Variants in KIF26B observed in about 807,000 individuals in gnomAD.
KIF26B encodes kinesin-like protein KIF26B.
Under a neutral mutation model 151.2 loss-of-function variants are expected in KIF26B, and 63 were observed. The ratio of observed to expected loss-of-function variants is 0.42; its 90% confidence interval spans 0.34 to 0.51. The LOEUF (loss-of-function observed/expected upper bound fraction) is 0.51, where lower values mean the gene tolerates loss of function less well. Ranked by LOEUF, KIF26B falls within the 20% of genes least tolerant of loss-of-function variation. The pLI is 0.07. For synonymous variants in KIF26B, 1,357 were observed against 1,262.1 expected (o/e 1.08, Z -1.59); for missense variants, 2,813 against 2,913.6 (o/e 0.97, Z 0.79).
chr1:245,183,845 G>A (rs535854071), intron 2 of KIF26B, among the ~76,000 whole-genome samples: 3 of 151,958 alleles, frequency 2.0e-5, no homozygotes, highest in Non-Finnish European at 2.9e-5. Flanking sequence ...GGTATGACAC[G>A]ATTAAGCCAT....
chr1:245,349,559 C>CAAA (rs58254627), intron 2 of KIF26B, among the ~76,000 whole-genome samples: 4 of 75,824 alleles, frequency 5.3e-5, no homozygotes, highest in Non-Finnish European at 1.0e-4. Context: ...AAATAAACTT[C>CAAA]AAAAAAAAAA....
chr1:245,579,168 A>T (rs770895176), intron 5 of KIF26B, among the ~76,000 whole-genome samples: 1 of 152,204 alleles, frequency 6.6e-6, no homozygotes, highest in Non-Finnish European at 1.5e-5. Context: ...GGAAAAACAA[A>T]TTAGATGGAT....
In KIF26B at chr1:245,239,853, G is replaced by C. The variant is rs1425951263; in HGVS notation, c.465+83170G>C. 6.6e-6 allele frequency among the ~76,000 whole-genome samples: 1 copy of C among 151,980 alleles called. No homozygotes were observed. Among genetic ancestry groups the C allele is most frequent in the African/African-American group, 2.4e-5 (1 of 41,374 alleles). On this transcript the variant is annotated intron_variant, in intron 2 of 14. Coordinates refer to ENST00000407071, the MANE Select transcript of KIF26B (RefSeq NM_018012.4). This position sits in a 1 kb window ranked among gnomAD's most constrained non-coding sequence, Gnocchi z 4.3. ...TTTCCTTCCAAAAGTTGTCTTTCCTGACAGTGTATTTTTATTTTACTATAT... is the reference window on the plus strand; with the variant it reads ...TTTCCTTCCAAAAGTTGTCTTTCCTCACAGTGTATTTTTATTTTACTATAT...
At chr1:245,190,550 C>G (rs535125232) in intron 2 of KIF26B, among the ~76,000 whole-genome samples, 2 of 151,830 alleles carry the variant, frequency 1.3e-5, no homozygotes, top group Non-Finnish European at 2.9e-5. Flanking sequence ...ACTTTGAGAA[C>G]ACCAATTCCT....
chr1:245,483,224 G>A (rs1309411963), intron 4 of KIF26B, among the ~76,000 whole-genome samples: 3 of 151,870 alleles, frequency 2.0e-5, no homozygotes, highest in Non-Finnish European at 4.4e-5. Flanking sequence ...TAAAAATAAT[G>A]ATCCACAGTT....
In KIF26B at chr1:245,606,201, C is replaced by T. The variant is rs372751030; in HGVS notation, c.1558-1450C>T. ...GGCCCAGGAGGAGCCCCCCGCCCCC[C>T]GCAGAGTTGCTGGGGACCACCCTGG... On this transcript the variant is annotated intron_variant, in intron 6 of 14. Transcript: ENST00000407071. The surrounding 1 kb of genome is among the most constrained non-coding windows in gnomAD (Gnocchi z 4.6). 3.3e-5 allele frequency among the ~76,000 whole-genome samples: 5 copies of T among 152,150 alleles called. No homozygotes were observed. The highest frequency in any genetic ancestry group is 5.9e-5 in the Non-Finnish European group (4 of 68,024).
chr1:245,234,364 TCACA>T (rs1309694817), intron 2 of KIF26B: 1 of 152,274 alleles, frequency 6.6e-6, no homozygotes, highest in Non-Finnish European at 1.5e-5. Flanking sequence ...TACCTCGCAC[TCACA>T]CTCACACACG....
At chr1:245,578,372 C>G (rs766072748) in intron 5 of KIF26B, among the ~76,000 whole-genome samples, 6 of 152,216 alleles carry the variant, frequency 3.9e-5, no homozygotes, top group Non-Finnish European at 8.8e-5. Flanking sequence ...TCCTTGTGTG[C>G]AAGTCCTGAT....
intron 2 of KIF26B, among the ~76,000 whole-genome samples, chr1:245,219,680 G>A (rs762422491): frequency 1.3e-5 from 2 of 152,144 alleles, no homozygotes; most frequent in African/African-American, 2.4e-5. Flanking sequence ...GCTGCTGTGA[G>A]CTGTGATTGC....
intron 5 of KIF26B, among the ~76,000 whole-genome samples, chr1:245,549,943 G>C (rs556368598): frequency 6.6e-6 from 1 of 152,258 alleles, no homozygotes; most frequent in South Asian, 2.1e-4. Context: ...ACCACGCTCA[G>C]CTAATTTTGT....
chr1:245,246,986 A>T (rs1018519908), intron 2 of KIF26B, among the ~76,000 whole-genome samples: 3 of 151,106 alleles, frequency 2.0e-5, no homozygotes, highest in African/African-American at 7.3e-5. Context: ...CACACACACA[A>T]ACTTAAAAAA....
At chr1:245,675,980 T>C (rs948788935) in intron 10 of KIF26B, among the ~76,000 whole-genome samples, 2 of 152,132 alleles carry the variant, frequency 1.3e-5, no homozygotes, top group Non-Finnish European at 2.9e-5. Flanking sequence ...TACTGGGATA[T>C]GGTAAGTTCT....
At chr1:245,584,053 TC>T (rs35066551) in intron 5 of KIF26B, among the ~76,000 whole-genome samples, 3 of 152,222 alleles carry the variant, frequency 2.0e-5, no homozygotes, top group African/African-American at 7.2e-5. Context: ...TCACTGTTAA[TC>T]CCCAGTGCTG....
chr1:245,313,810 A>G (rs1057345764), intron 2 of KIF26B, among the ~76,000 whole-genome samples: 19 of 152,178 alleles, frequency 1.2e-4, no homozygotes, highest in African/African-American at 4.6e-4. Context: ...TTTCGTCATT[A>G]AATCCCCAAT....
At chr1:245,252,826 A>T (rs1558362397) in intron 2 of KIF26B, among the ~76,000 whole-genome samples, 1 of 152,064 alleles carries the variant, frequency 6.6e-6, no homozygotes, top group Non-Finnish European at 1.5e-5. Flanking sequence ...AAGTTTTGTA[A>T]GGGACTGCTT....
chr1:245,169,339 G>GTGTGTGTGTGTGTT (rs1573684707), intron 2 of KIF26B, among the ~76,000 whole-genome samples: 1 of 151,054 alleles, frequency 6.6e-6, no homozygotes, highest in East Asian at 1.9e-4. Flanking sequence ...GTGTGTGTGT[G>GTGTGTGTGTGTGTT]TGTGTGTGTG....
chr1:245,578,227 A>G (rs1334202896), intron 5 of KIF26B, among the ~76,000 whole-genome samples: 1 of 152,224 alleles, frequency 6.6e-6, no homozygotes, highest in Non-Finnish European at 1.5e-5. Flanking sequence ...AGGCGGAGGA[A>G]TGTCTCCCCA....
intron 3 of KIF26B, among the ~76,000 whole-genome samples, chr1:245,406,879 C>T (rs1674147069): frequency 6.6e-6 from 1 of 152,010 alleles, no homozygotes; most frequent in Non-Finnish European, 1.5e-5. Flanking sequence ...CTTCTGCCTC[C>T]CGGGTTCAAG....
chr1:245,346,346 C>T (rs1672456742), intron 2 of KIF26B, among the ~76,000 whole-genome samples: 1 of 152,164 alleles, frequency 6.6e-6, no homozygotes, highest in Non-Finnish European at 1.5e-5. Flanking sequence ...TCTGCTTTGT[C>T]CCCACACCCT....
Sources: gnomAD v4.1 joint callset for allele counts (sites outside exome capture counted in the v4.1 genomes callset) on GRCh38, gnomAD v4.1.1 for gene constraint, Gnocchi (gnomAD v3.1) non-coding constraint, MANE v1.5 for transcripts, NCBI Gene and HGNC (gene_info 2026-07-23, HGNC 2026-07-21) for gene names.